The following PABPC4L variants were observed in gnomAD, a reference collection of about 807,000 sequenced individuals.
PABPC4L encodes the protein polyadenylate-binding protein 4-like.
For missense variants in PABPC4L, 452 were observed against 451.4 expected (o/e 1.00, Z -0.01); for synonymous variants, 169 against 164.1 (o/e 1.03, Z -0.23).
rs931269884 is a variant in PABPC4L at position 134,199,421 on chromosome 4, T to C, written c.*486A>G. On this transcript the variant is annotated 3_prime_UTR_variant, in exon 2 of 2. Transcript: ENST00000421491. ...AAATGAAATTAGGTCTTTAAATTCG[T>C]ACTATAAATTTCTAAAAGTTTGATT... is the stretch of plus-strand genomic sequence containing the variant. 3.3e-5 allele frequency: 5 copies of C among 152,316 alleles called. No homozygotes were observed. Among genetic ancestry groups the C allele is most frequent in the African/African-American group, 1.2e-4 (5 of 41,454 alleles). 9.4% of individuals were successfully genotyped at this position (152,316 alleles called of 1,614,324 possible).
the PABPC4L span, among the ~76,000 whole-genome samples, chr4:134,074,173 G>T: frequency 6.6e-6 from 1 of 152,124 alleles, no homozygotes; most frequent in African/African-American, 2.4e-5. Context: ...CCTCTTGAAT[G>T]CTTTGCCACT....
At chr4:133,971,137 G>T in the PABPC4L span, among the ~76,000 whole-genome samples, 1 of 119,974 alleles carries the variant, frequency 8.3e-6, no homozygotes, top group Non-Finnish European at 1.6e-5. Flanking sequence ...TTTTGAGACG[G>T]AGTCTCACTC....
the PABPC4L span, among the ~76,000 whole-genome samples, chr4:134,125,491 G>A: frequency 2.0e-5 from 3 of 152,052 alleles, no homozygotes; most frequent in East Asian, 5.8e-4. Context: ...CAAAATTCTT[G>A]GATGTACATT....
chr4:134,016,332 G>A, the PABPC4L span, among the ~76,000 whole-genome samples: 1 of 151,966 alleles, frequency 6.6e-6, no homozygotes, highest in Admixed American at 6.6e-5. Context: ...TCATGCAAGA[G>A]GTTTCCTCAC....
At chr4:134,002,088 A>C in the PABPC4L span, among the ~76,000 whole-genome samples, 1 of 149,308 alleles carries the variant, frequency 6.7e-6, no homozygotes, top group African/African-American at 2.5e-5. Context: ...GATGTTCTCT[A>C]TTCTCCAATA....
At chr4:134,183,582 G>A in the PABPC4L span, among the ~76,000 whole-genome samples, 2 of 151,476 alleles carry the variant, frequency 1.3e-5, no homozygotes, top group Admixed American at 1.3e-4. Flanking sequence ...ACCTATATAT[G>A]TACCTATACA....
chr4:134,163,268 TA>T, the PABPC4L span, among the ~76,000 whole-genome samples: 1 of 152,050 alleles, frequency 6.6e-6, no homozygotes, highest in East Asian at 1.9e-4. Flanking sequence ...ACTAAATGAA[TA>T]AATTCCTGGA....
chr4:134,064,312 C>A, the PABPC4L span, among the ~76,000 whole-genome samples: 1 of 151,938 alleles, frequency 6.6e-6, no homozygotes, highest in East Asian at 1.9e-4. Context: ...TTTGGGTTTA[C>A]AAAGAGTCTC....
At chr4:134,004,305 G>T in the PABPC4L span, among the ~76,000 whole-genome samples, 1 of 151,694 alleles carries the variant, frequency 6.6e-6, no homozygotes, top group African/African-American at 2.4e-5. Context: ...AAAAAAATAC[G>T]TAATCTCAGG....
the PABPC4L span, among the ~76,000 whole-genome samples, chr4:134,046,205 A>G: frequency 6.6e-6 from 1 of 152,228 alleles, no homozygotes; most frequent in South Asian, 2.1e-4. Flanking sequence ...GGAATGGGGC[A>G]GGAGGACAGG....
the PABPC4L span, among the ~76,000 whole-genome samples, chr4:134,069,870 G>C: frequency 6.6e-6 from 1 of 151,738 alleles, no homozygotes; most frequent in South Asian, 2.1e-4. Context: ...AAATAGTTCA[G>C]TTATATGGAG....
At chr4:133,960,482 G>T in the PABPC4L span, among the ~76,000 whole-genome samples, 1 of 152,176 alleles carries the variant, frequency 6.6e-6, no homozygotes, top group African/African-American at 2.4e-5. Context: ...AGGGTGTGTG[G>T]CCAGTGGCCC....
At chr4:134,187,118 T>G in the PABPC4L span, among the ~76,000 whole-genome samples, 1 of 151,936 alleles carries the variant, frequency 6.6e-6, no homozygotes, top group Non-Finnish European at 1.5e-5. Context: ...CTTCAACCAT[T>G]GCGGAAGACA....
At chr4:134,002,150 A>G in the PABPC4L span, among the ~76,000 whole-genome samples, 14 of 152,118 alleles carry the variant, frequency 9.2e-5, no homozygotes, top group Non-Finnish European at 2.1e-4. Context: ...TATATATTGC[A>G]TAATAATTGG....
At chr4:134,067,999 GTTTGGGGCAGAGTGCTC>G in the PABPC4L span, among the ~76,000 whole-genome samples, 1 of 152,074 alleles carries the variant, frequency 6.6e-6, no homozygotes, top group Non-Finnish European at 1.5e-5. Flanking sequence ...TATTTTGTTG[GTTTGGGGCAGAGTGCTC>G]TTTAGATATT....
At chr4:134,017,371 A>G in the PABPC4L span, among the ~76,000 whole-genome samples, 1 of 152,094 alleles carries the variant, frequency 6.6e-6, no homozygotes, top group Non-Finnish European at 1.5e-5. Flanking sequence ...CTCATTCCAG[A>G]CACCAGACCA....
At chr4:134,194,226 G>C (rs1729593011), downstream of PABPC4L, among the ~76,000 whole-genome samples, 1 of 151,768 alleles carries the variant, frequency 6.6e-6, no homozygotes, top group Non-Finnish European at 1.5e-5. Flanking sequence ...AGTACTGAGA[G>C]TTCAAAAGAC....
At chr4:133,999,241 T>A in the PABPC4L span, among the ~76,000 whole-genome samples, 3 of 152,100 alleles carry the variant, frequency 2.0e-5, no homozygotes, top group Non-Finnish European at 2.9e-5. Flanking sequence ...ACTTTTCTTT[T>A]GTAAATTTGT....
chr4:134,025,305 CAAAAAAA>C, the PABPC4L span, among the ~76,000 whole-genome samples: 7 of 45,640 alleles, frequency 1.5e-4, no homozygotes, highest in Admixed American at 4.9e-4. Context: ...GAATTCATCT[CAAAAAAA>C]AAAAAAAAAA....
Sources: gnomAD v4.1 joint callset for allele counts (sites outside exome capture counted in the v4.1 genomes callset) on GRCh38, gnomAD v4.1.1 for gene constraint, MANE v1.5 for transcripts, NCBI Gene and HGNC (gene_info 2026-07-23, HGNC 2026-07-21) for gene names.